Variants in SMYD3 observed in about 807,000 individuals in gnomAD.
The protein encoded by SMYD3 is histone-lysine N-methyltransferase SMYD3.
SMYD3 carries 36 observed loss-of-function variants against 57.7 expected under a neutral mutation model. That is an observed-to-expected ratio of 0.62 (90% CI 0.48 to 0.82). SMYD3 has a LOEUF of 0.82. Ranked by LOEUF, SMYD3 falls within the 40% of genes least tolerant of loss-of-function variation. SMYD3 has a pLI of 0.00. For synonymous variants in SMYD3, 211 were observed against 195.0 expected, an observed-to-expected ratio of 1.08 and a Z score of -0.68; for missense variants, 515 against 538.8, an observed-to-expected ratio of 0.96 and a Z score of 0.44.
intron 6 of SMYD3, among the ~76,000 whole-genome samples, chr1:245,928,452 A>C (rs1341555671): frequency 3.9e-5 from 6 of 151,988 alleles, no homozygotes; most frequent in Admixed American, 3.9e-4. Flanking sequence ...TGGGTGGATC[A>C]TTTGAGGCCA....
In SMYD3 at chr1:246,311,030, C is replaced by T. The variant is rs10924687; in HGVS notation, c.531+16171G>A. Among the ~76,000 whole-genome samples, 124 of 152,136 alleles carry T rather than the reference C, an allele frequency of 8.2e-4. 2 individuals are homozygous for T. The highest frequency in any genetic ancestry group is 2.7e-3 in the African/African-American group (114 of 41,500). On this transcript the variant is annotated intron_variant, in intron 5 of 11. Coordinates refer to ENST00000490107, the MANE Select transcript of SMYD3 (RefSeq NM_001167740.2). ...TGAAGACTGTTAGTAAATATGTGAC[C>T]TATGGAATGATCACACTCTATAGAA...
chr1:246,060,947 G>T (rs2060242069), intron 5 of SMYD3, among the ~76,000 whole-genome samples: 1 of 152,058 alleles, frequency 6.6e-6, no homozygotes, highest in Non-Finnish European at 1.5e-5. Context: ...AATGTTTTAG[G>T]CCAGGCATGG....
chr1:245,824,410 A>T (rs2049352804), intron 10 of SMYD3, among the ~76,000 whole-genome samples: 1 of 152,244 alleles, frequency 6.6e-6, no homozygotes, highest in African/African-American at 2.4e-5. Flanking sequence ...CCAAGTACTA[A>T]GTAATCTTTG....
In SMYD3 at chr1:246,401,104, A is replaced by T. The variant is rs151315523; in HGVS notation, c.165-46010T>A. 7.5e-3 allele frequency among the ~76,000 whole-genome samples: 1,141 copies of T among 152,356 alleles called. 13 individuals carry two copies. The highest frequency in any genetic ancestry group is 0.024 in the African/African-American group (1,006 of 41,594). Reference sequence around the variant, plus strand: ...CATATTTCCTTAGATTAATTCAGTGATCACTTTCAAAGCAAAGCTTTTTAT... The same window carrying T: ...CATATTTCCTTAGATTAATTCAGTGTTCACTTTCAAAGCAAAGCTTTTTAT... On this transcript the variant is annotated intron_variant, in intron 1 of 11. Transcript: ENST00000490107.
chr1:245,764,202 G>T, intron 10 of SMYD3, 53 bp from the exon 11 acceptor site: 2 of 1,243,002 alleles, frequency 1.6e-6, no homozygotes, highest in Non-Finnish European at 2.4e-6. Context: ...TTTGCAGTCA[G>T]CATTTCATCA....
chr1:245,910,739 A>G lies in SMYD3; in HGVS notation c.813+4791T>C, dbSNP rs186349869. On this transcript the variant is annotated intron_variant, in intron 8 of 11. Transcript: ENST00000490107. ...TAGACCCCTATCTCTCCCCATATAC[A>G]AAAGTCATATCAAAACAGCTTAAAT... 5.9e-5 allele frequency among the ~76,000 whole-genome samples: 9 copies of G among 152,220 alleles called. No homozygotes were observed. In the East Asian group the frequency reaches 1.7e-3, roughly 29 times the overall value.
chr1:246,071,039 G>A (rs1381659767), intron 5 of SMYD3, among the ~76,000 whole-genome samples: 1 of 152,164 alleles, frequency 6.6e-6, no homozygotes, highest in African/African-American at 2.4e-5. Context: ...ACTTGTTGAA[G>A]GGTTTCCTAA....
chr1:246,090,388 A>C (rs994974506), intron 5 of SMYD3, among the ~76,000 whole-genome samples: 47 of 152,226 alleles, frequency 3.1e-4, no homozygotes, highest in African/African-American at 1.1e-3. Context: ...TGGGCATGGA[A>C]GAAACAGAGA....
intron 5 of SMYD3, among the ~76,000 whole-genome samples, chr1:246,242,710 GTA>G (rs2063635023): frequency 7.0e-6 from 1 of 142,460 alleles, no homozygotes; most frequent in East Asian, 2.9e-4. Flanking sequence ...CCTATCTCAT[GTA>G]CAGAGAGACA....
chr1:245,795,667 C>A (rs1006665032), intron 10 of SMYD3, among the ~76,000 whole-genome samples: 1 of 152,174 alleles, frequency 6.6e-6, no homozygotes, highest in African/African-American at 2.4e-5. Context: ...TACAACCTCA[C>A]CTCATGCCAC....
intron 1 of SMYD3, among the ~76,000 whole-genome samples, chr1:246,501,270 G>C (rs1009453874): frequency 2.0e-5 from 3 of 152,310 alleles, no homozygotes; most frequent in Admixed American, 6.5e-5. Flanking sequence ...CTACTCTACT[G>C]ACCCTTAAAC....
chr1:246,477,201 A>C (rs1237061131), intron 1 of SMYD3, among the ~76,000 whole-genome samples: 1 of 152,244 alleles, frequency 6.6e-6, no homozygotes. Context: ...TTTAAGGACT[A>C]TTCAGAGTTT....
At chr1:246,407,002 T>C (rs2066875827) in intron 1 of SMYD3, among the ~76,000 whole-genome samples, 1 of 152,218 alleles carries the variant, frequency 6.6e-6, no homozygotes, top group African/African-American at 2.4e-5. Context: ...CTAAATCCCC[T>C]GGGGGATGTG....
At chr1:245,935,760 T>C (rs773118767) in intron 5 of SMYD3, among the ~76,000 whole-genome samples, 3 of 152,216 alleles carry the variant, frequency 2.0e-5, no homozygotes, top group Non-Finnish European at 4.4e-5. Flanking sequence ...GAGGACAGTA[T>C]GTTAAGTGAA....
intron 5 of SMYD3, among the ~76,000 whole-genome samples, chr1:246,101,735 A>G (rs2061019480): frequency 6.6e-6 from 1 of 152,190 alleles, no homozygotes; most frequent in South Asian, 2.1e-4. Flanking sequence ...TCAAGGAATG[A>G]AAAGATTCCC....
At chr1:245,764,174 G>A in intron 10 of SMYD3, 25 bp from the exon 11 acceptor site, 1 of 1,510,378 alleles carries the variant, frequency 6.6e-7, no homozygotes, top group South Asian at 1.1e-5. Flanking sequence ...ACGGCAAACA[G>A]TGTCAGCAGC....
intron 5 of SMYD3, among the ~76,000 whole-genome samples, chr1:246,314,448 G>A (rs554970206): frequency 1.3e-5 from 2 of 152,104 alleles, no homozygotes; most frequent in Non-Finnish European, 1.5e-5. Flanking sequence ...ACAAAGGCAC[G>A]ATACCCATAA....
chr1:245,892,675 A>G (rs1267632324), intron 8 of SMYD3, among the ~76,000 whole-genome samples: 1 of 152,224 alleles, frequency 6.6e-6, no homozygotes, highest in African/African-American at 2.4e-5. Flanking sequence ...AAATGGTACT[A>G]GAATCATTGG....
At chr1:245,993,631 T>TAGACAGAC (rs60153898) in intron 5 of SMYD3, among the ~76,000 whole-genome samples, 151 of 120,128 alleles carry the variant, frequency 1.3e-3, no homozygotes, top group African/African-American at 3.8e-3. Context: ...GATAGATAGA[T>TAGACAGAC]AGACAGACAG....
Sources: allele counts gnomAD v4.1 joint callset (sites outside exome capture counted in the v4.1 genomes callset), GRCh38; gene constraint gnomAD v4.1.1; transcripts MANE v1.5; gene names NCBI Gene and HGNC (gene_info 2026-07-23, HGNC 2026-07-21).